SGCD: variants seen among roughly 807,000 people sequenced by gnomAD.
SGCD encodes the protein sarcoglycan delta.
In SGCD, 18 loss-of-function variants were observed where a neutral mutation model predicts 36.6. That is an observed-to-expected ratio of 0.49 (90% CI 0.34 to 0.73). SGCD has a LOEUF of 0.73. Ranked by LOEUF, SGCD falls within the 30% of genes least tolerant of loss-of-function variation. The probability of loss-of-function intolerance (pLI) is 0.01; values close to 1 mark genes in which losing one functional copy is unlikely to be tolerated. For missense variants in SGCD, 387 were observed against 346.7 expected (o/e 1.12, Z -0.92); for synonymous variants, 133 against 130.6 (o/e 1.02, Z -0.12).
chr5:156,617,764 G>A lies in SGCD; in HGVS notation c.502+22713G>A, dbSNP rs564394760. Among the ~76,000 whole-genome samples, 5 of 152,288 alleles carry A rather than the reference G, an allele frequency of 3.3e-5. No individual in the cohort carries two copies. In the East Asian group the frequency reaches 9.7e-4, roughly 29 times the overall value. ...AGCCACCCAGCCCATTTCTTTATCT[G>A]AAGAAGGCTCCAGGGGTGGTTTACA... is the stretch of plus-strand genomic sequence containing the variant. On this transcript the variant is annotated intron_variant, in intron 6 of 8. Coordinates refer to ENST00000337851, the MANE Select transcript of SGCD (RefSeq NM_000337.6).
the SGCD span, among the ~76,000 whole-genome samples, chr5:155,862,958 T>C: frequency 1.3e-5 from 2 of 152,252 alleles, no homozygotes; most frequent in East Asian, 3.9e-4. Flanking sequence ...AGAGAGAAAA[T>C]CCAGAGGGAA....
chr5:156,341,736 G>A (rs12188610), intron 2 of SGCD, among the ~76,000 whole-genome samples: 3,525 of 152,238 alleles, frequency 0.023, 72 homozygotes, highest in Non-Finnish European at 0.035. Flanking sequence ...TTGAGACGAA[G>A]TCTTCACTCT....
intron 6 of SGCD, among the ~76,000 whole-genome samples, chr5:156,624,473 CG>C (rs1297299954): frequency 6.6e-5 from 10 of 152,036 alleles, no homozygotes; most frequent in African/African-American, 2.4e-4. Context: ...TCCAGCTACT[CG>C]GGAGGCTGAA....
At chr5:156,190,282 C>T (rs1441902600) in intron 3 of SGCD, among the ~76,000 whole-genome samples, 1 of 152,120 alleles carries the variant, frequency 6.6e-6, no homozygotes, top group Non-Finnish European at 1.5e-5. Flanking sequence ...TGGGACCTAG[C>T]TGGTGCTTAC....
Position 156,056,655 on chromosome 5 carries a change from A to AACAAAAC in SGCD, c.-281-61222_-281-61221insCAAAACA, listed in dbSNP as rs1561699600. ...CTGCCAAATTATCCTTAAAAAAAAA[A>AACAAAAC]AAAAAAAAAACAGTCTCCAAATTTT... On this transcript the variant is annotated intron_variant, in intron 1 of 9. Coordinates refer to the SGCD transcript ENST00000517913. Among the ~76,000 whole-genome samples, 4 of 136,506 alleles carry AACAAAAC rather than the reference A, an allele frequency of 2.9e-5. 1 individual carries two copies. The highest frequency in any genetic ancestry group is 1.2e-4 in the African/African-American group (4 of 34,408). 89.6% of individuals were successfully genotyped at this position (136,506 alleles called of 152,430 possible).
At chr5:156,297,964 C>T (rs568206543) in intron 3 of SGCD, among the ~76,000 whole-genome samples, 1 of 151,170 alleles carries the variant, frequency 6.6e-6, no homozygotes, top group Non-Finnish European at 1.5e-5. Flanking sequence ...TGGTAACCGT[C>T]CTTCTACTCT....
At chr5:155,748,360 T>C in the SGCD span, among the ~76,000 whole-genome samples, 1 of 152,080 alleles carries the variant, frequency 6.6e-6, no homozygotes, top group Non-Finnish European at 1.5e-5. Context: ...AGATAATTTA[T>C]ATAATATCCT....
In SGCD at chr5:155,977,022, T is replaced by C. The variant is rs117253357; in HGVS notation, c.-282+106598T>C. Among the ~76,000 whole-genome samples, 92 of 152,322 alleles carry C rather than the reference T, an allele frequency of 6.0e-4. 2 individuals carry two copies. In the East Asian group the frequency reaches 0.01, roughly 17 times the overall value. On this transcript the variant is annotated intron_variant, in intron 1 of 9. Transcript: ENST00000517913. ...CTTAGAATAAGAAGAGCATCTTGAATGTAGTTAAAATTCAGGCGTGATCTT... is the reference window on the plus strand; with the variant it reads ...CTTAGAATAAGAAGAGCATCTTGAACGTAGTTAAAATTCAGGCGTGATCTT...
At chr5:156,076,264 G>T (rs1367948166) in intron 1 of SGCD, among the ~76,000 whole-genome samples, 1 of 151,802 alleles carries the variant, frequency 6.6e-6, no homozygotes, top group Non-Finnish European at 1.5e-5. Context: ...GATACAGCAG[G>T]TGGTTTATTT....
At chr5:156,698,790 A>G (rs1282536278) in intron 7 of SGCD, among the ~76,000 whole-genome samples, 2 of 151,902 alleles carry the variant, frequency 1.3e-5, no homozygotes, top group African/African-American at 4.8e-5. Flanking sequence ...TGTCTGTACA[A>G]GAGAAGTCAG....
intron 1 of SGCD, among the ~76,000 whole-genome samples, chr5:156,110,230 G>A (rs1480070152): frequency 6.6e-6 from 1 of 152,130 alleles, no homozygotes; most frequent in Non-Finnish European, 1.5e-5. Context: ...GATTATAGGA[G>A]AACCTACCTC....
chr5:156,406,470 C>A (rs75020450), intron 3 of SGCD, among the ~76,000 whole-genome samples: 1 of 151,892 alleles, frequency 6.6e-6, no homozygotes, highest in Non-Finnish European at 1.5e-5. Flanking sequence ...CATCCAATTC[C>A]CTCTTTTGGA....
At chr5:155,908,504 A>T (rs1466896753) in intron 1 of SGCD, among the ~76,000 whole-genome samples, 1 of 152,174 alleles carries the variant, frequency 6.6e-6, no homozygotes, top group Non-Finnish European at 1.5e-5. Flanking sequence ...TGCTTTACAG[A>T]TGAAGACATT....
chr5:155,851,259 G>C, the SGCD span, among the ~76,000 whole-genome samples: 15 of 152,164 alleles, frequency 9.9e-5, no homozygotes, highest in Admixed American at 9.8e-4. Context: ...TCAGTTGAAG[G>C]ATCTGAGCTG....
intron 1 of SGCD, among the ~76,000 whole-genome samples, chr5:156,046,012 A>G (rs1208859865): frequency 6.6e-6 from 1 of 152,170 alleles, no homozygotes; most frequent in African/African-American, 2.4e-5. Flanking sequence ...ATATGCTCCA[A>G]TCCATGTAAT....
intron 1 of SGCD, among the ~76,000 whole-genome samples, chr5:155,968,714 G>T (rs1223719581): frequency 6.6e-6 from 1 of 152,058 alleles, no homozygotes; most frequent in African/African-American, 2.4e-5. Context: ...AGGGGGGACT[G>T]CCATACATTC....
In SGCD at chr5:156,364,533, A is replaced by G. The variant is rs1292449127; in HGVS notation, c.192+19856A>G. ...CATTTCTAGGCTGCAGCTACCTATA[A>G]GCAGTTGAAAAAGGAGAAATCCAGT... is the stretch of plus-strand genomic sequence containing the variant. On this transcript the variant is annotated intron_variant, in intron 3 of 8. Coordinates refer to ENST00000337851, the MANE Select transcript of SGCD (RefSeq NM_000337.6). 2.0e-5 allele frequency among the ~76,000 whole-genome samples: 3 copies of G among 152,230 alleles called. 1 individual carries two copies. Among genetic ancestry groups the G allele is most frequent in the East Asian group, 3.8e-4 (2 of 5,204 alleles).
At chr5:156,303,181 C>A (rs1478286568) in intron 3 of SGCD, among the ~76,000 whole-genome samples, 1 of 152,146 alleles carries the variant, frequency 6.6e-6, no homozygotes, top group African/African-American at 2.4e-5. Flanking sequence ...AGCTGGCACC[C>A]AAGCATCAAG....
At chr5:156,271,039 G>A (rs1331071721) in intron 3 of SGCD, among the ~76,000 whole-genome samples, 2 of 152,144 alleles carry the variant, frequency 1.3e-5, no homozygotes, top group Non-Finnish European at 2.9e-5. Context: ...TGATAAAATG[G>A]CTTAAGTAAA....
Sources: gnomAD v4.1 joint callset for allele counts (sites outside exome capture counted in the v4.1 genomes callset) on GRCh38, gnomAD v4.1.1 for gene constraint, MANE v1.5 for transcripts, NCBI Gene and HGNC (gene_info 2026-07-23, HGNC 2026-07-21) for gene names.